Variants in DAPK1 observed in about 807,000 individuals in gnomAD.
DAPK1 encodes death associated protein kinase 1, also known as death-associated protein kinase 1.
In DAPK1, 56 loss-of-function variants were observed where a neutral mutation model predicts 144.9. The ratio of observed to expected loss-of-function variants is 0.39; its 90% CI spans 0.31 to 0.48. DAPK1 has a LOEUF of 0.48. Among genes scored for constraint, DAPK1 ranks in the 20% least tolerant of loss-of-function variants. The pLI, the probability that DAPK1 is intolerant of heterozygous loss-of-function variation, is 0.95. For synonymous variants in DAPK1, 690 were observed against 749.0 expected, an observed-to-expected ratio of 0.92 and a Z score of 1.29; for missense variants, 1,454 against 1,875.4, an observed-to-expected ratio of 0.78 and a Z score of 4.15.
intron 2 of DAPK1, among the ~76,000 whole-genome samples, chr9:87,514,419 T>C (rs1016198241): frequency 4.1e-4 from 63 of 152,278 alleles, no homozygotes; most frequent in Middle Eastern, 3.4e-3. Flanking sequence ...TGGTGAGGCT[T>C]GTGGGTGTCA....
intron 2 of DAPK1, 128 bp downstream of exon 2, chr9:87,499,267 T>A: frequency 1.2e-6 from 1 of 855,856 alleles, no homozygotes. Flanking sequence ...GCGCAAATCA[T>A]AGAGAAAAGA....
chr9:87,591,219 C>T (rs1454905422), intron 2 of DAPK1, among the ~76,000 whole-genome samples: 1 of 152,156 alleles, frequency 6.6e-6, no homozygotes, highest in East Asian at 1.9e-4. Flanking sequence ...GATGAATGTA[C>T]AGGATCTGAA....
At chr9:87,700,994 A>G (rs770343282) in intron 24 of DAPK1, among the ~76,000 whole-genome samples, 2 of 152,230 alleles carry the variant, frequency 1.3e-5, no homozygotes, top group African/African-American at 2.4e-5. Context: ...ATGTAATACA[A>G]TTTCAGTTAG....
At chr9:87,554,551 A>G (rs890059809) in intron 2 of DAPK1, 7 of 152,212 alleles carry the variant, frequency 4.6e-5, no homozygotes, top group Non-Finnish European at 2.9e-5. Flanking sequence ...GACTCAAGCC[A>G]GAAGATGGAT....
At chr9:87,670,083 T>G (rs1831205190) in intron 19 of DAPK1, among the ~76,000 whole-genome samples, 1 of 152,158 alleles carries the variant, frequency 6.6e-6, no homozygotes, top group African/African-American at 2.4e-5. Context: ...CATTATGGGC[T>G]CAGTGATTTC....
Position 87,499,034 on chromosome 9 carries a change from G to C in DAPK1, c.-44G>C. The C allele has an allele frequency of 6.3e-7, 1 of 1,581,138 alleles. No individual in the cohort carries two copies. The highest frequency in any genetic ancestry group is 2.2e-5 in the East Asian group (1 of 44,644). Reference sequence around the variant, plus strand: ...GAGCGGTGGTGATGGTCTGGGAAGCGGAGCTGAAGTGCCCTGGGCTTTGGT... The same window carrying C: ...GAGCGGTGGTGATGGTCTGGGAAGCCGAGCTGAAGTGCCCTGGGCTTTGGT... On this transcript the variant is annotated 5_prime_UTR_variant, in exon 2 of 26. Coordinates refer to ENST00000408954, the MANE Select transcript of DAPK1 (RefSeq NM_004938.4).
intron 20 of DAPK1, among the ~76,000 whole-genome samples, chr9:87,684,826 C>A (rs146101285): frequency 1.1e-4 from 16 of 152,292 alleles, no homozygotes; most frequent in African/African-American, 3.4e-4. Flanking sequence ...TCGGTGCTTC[C>A]CCATGAAATT....
Position 87,640,457 on chromosome 9 carries a change from G to A in DAPK1, c.782+7G>A. On this transcript the variant is annotated splice_region_variant and intron_variant, in intron 8 of 25. Transcript: ENST00000408954. The stretch of plus-strand genomic sequence containing the variant: ...TTCTGGTCAAGGATCCAAAGTGAGT[G>A]TCCACGTTCCTGAAAGGTGCTTGGC... 4 of 1,613,164 alleles carry A rather than the reference G, an allele frequency of 2.5e-6. No homozygotes were observed. The highest frequency in any genetic ancestry group is 3.4e-6 in the Non-Finnish European group (4 of 1,179,496).
intron 19 of DAPK1, among the ~76,000 whole-genome samples, chr9:87,677,691 G>A (rs1215853741): frequency 1.3e-5 from 2 of 152,176 alleles, no homozygotes; most frequent in African/African-American, 2.4e-5. Flanking sequence ...GGAATAGATG[G>A]GGAAGTTTGC....
rs923910308 is a variant in DAPK1, at chr9:87,645,937, A to G, written c.1054A>G (p.Ile352Val). 1 of 1,614,144 alleles carries G rather than the reference A, an allele frequency of 6.2e-7. No individual in the cohort carries two copies. The highest frequency in any genetic ancestry group is 1.3e-5 in the African/African-American group (1 of 75,040). The change falls in exon 12 of 26, where the codon ATC becomes GTC. Residue 352 changes from isoleucine to valine, a missense_variant. By Grantham distance (29) the Ile-to-Val change is conservative. This residue lies in a region of DAPK1 where 429 missense variants were observed against 637.5 expected (regional missense o/e 0.67). Transcript: ENST00000408954. ...SFVMKAIIHAINDDNVPGLQH... is the reference protein window; with the variant it reads ...SFVMKAIIHAVNDDNVPGLQH... Reference sequence around the variant, plus strand: ...TGTGATGAAAGCCATCATCCATGCCATCAACGATGACAATGTCCCAGGCCT... The same window carrying G: ...TGTGATGAAAGCCATCATCCATGCCGTCAACGATGACAATGTCCCAGGCCT...
intron 21 of DAPK1, among the ~76,000 whole-genome samples, chr9:87,696,001 A>T (rs1468459824): frequency 6.6e-6 from 1 of 152,136 alleles, no homozygotes; most frequent in Non-Finnish European, 1.5e-5. Flanking sequence ...GAGTGTCTGT[A>T]TTAAGGATAT....
intron 17 of DAPK1, chr9:87,657,552 C>T (rs1027734819): frequency 1.8e-5 from 3 of 166,106 alleles, no homozygotes; most frequent in African/African-American, 4.8e-5. Context: ...TATTCCTGGG[C>T]ACCCCTATGA....
In DAPK1 at chr9:87,539,887, G is replaced by A. The variant is rs374833820; in HGVS notation, c.62+40748G>A. Among the ~76,000 whole-genome samples the A allele has an allele frequency of 3.6e-4, 54 of 152,110 alleles. No individual in the cohort carries two copies. In the East Asian group the frequency reaches 7.0e-3, roughly 20 times the overall value. ...AGCCCTCTGCGTATCAATAATTGTC[G>A]TAGTCTAGTAGTGCTTGTGTTCAAG... On this transcript the variant is annotated intron_variant, in intron 2 of 25. Coordinates refer to ENST00000408954, the MANE Select transcript of DAPK1 (RefSeq NM_004938.4).
chr9:87,576,046 C>T (rs1370163229), intron 2 of DAPK1, among the ~76,000 whole-genome samples: 1 of 152,236 alleles, frequency 6.6e-6, no homozygotes, highest in African/African-American at 2.4e-5. Flanking sequence ...TTTTCTCTAA[C>T]AAGCTCAGGT....
At chr9:87,528,454 G>C (rs1056383169) in intron 2 of DAPK1, among the ~76,000 whole-genome samples, 1 of 152,002 alleles carries the variant, frequency 6.6e-6, no homozygotes, top group Non-Finnish European at 1.5e-5. Flanking sequence ...CTGACCTCAG[G>C]TGATCCACCC....
intron 2 of DAPK1, among the ~76,000 whole-genome samples, chr9:87,550,042 G>A (rs906589850): frequency 6.6e-6 from 1 of 152,288 alleles, no homozygotes; most frequent in Non-Finnish European, 1.5e-5. Flanking sequence ...AAGTTTATAT[G>A]TAGTGAAATG....
intron 22 of DAPK1, 135 bp from the exon 23 acceptor site, chr9:87,698,521 C>A (rs36218779): frequency 0.01 from 6,980 of 673,072 alleles, 60 homozygotes; most frequent in Middle Eastern, 0.021. Context: ...GTGGGGCCTT[C>A]ATCTCTGTGG....
At chr9:87,610,336 G>C (rs922576348) in intron 3 of DAPK1, among the ~76,000 whole-genome samples, 1 of 152,194 alleles carries the variant, frequency 6.6e-6, no homozygotes, top group Non-Finnish European at 1.5e-5. Flanking sequence ...TCTTCTTACT[G>C]TGTTGCAGCT....
chr9:87,584,436 C>T (rs1827865358), intron 2 of DAPK1, among the ~76,000 whole-genome samples: 1 of 152,042 alleles, frequency 6.6e-6, no homozygotes, highest in South Asian at 2.1e-4. Context: ...ATCTCTTTGA[C>T]ATACTGATTT....
Sources: gnomAD v4.1 joint callset for allele counts (sites outside exome capture counted in the v4.1 genomes callset) on GRCh38, gnomAD v4.1.1 for gene constraint, gnomAD v4.1.1 regional missense constraint, MANE v1.5 for transcripts, NCBI Gene and HGNC (gene_info 2026-07-23, HGNC 2026-07-21) for gene names.